Variants in ZNF470 observed in about 807,000 individuals in gnomAD.
The protein encoded by ZNF470 is chondrogenesis zinc finger protein 1.
In ZNF470, 13 loss-of-function variants were observed where a neutral mutation model predicts 13.9. That is an observed-to-expected ratio of 0.94 (90% CI 0.61 to 1.49). ZNF470 has a LOEUF of 1.49. ZNF470 is among the 40% of genes most tolerant of loss of function. The pLI, the probability that ZNF470 is intolerant of heterozygous loss-of-function variation, is 0.00. For missense variants in ZNF470, 929 were observed against 857.3 expected (o/e 1.08, Z -1.04); for synonymous variants, 293 against 282.9 (o/e 1.04, Z -0.36).
At chr19:56,568,633 A>G (rs904886621) in intron 1 of ZNF470, 125 bp from the exon 2 acceptor site, 4 of 152,176 alleles carry the variant, frequency 2.6e-5, no homozygotes, top group African/African-American at 9.7e-5. Flanking sequence ...CCTGCATGCT[A>G]TAGTAATAGC....
chr19:56,572,665 C>T (rs2044463709), intron 3 of ZNF470, among the ~76,000 whole-genome samples: 2 of 132,054 alleles, frequency 1.5e-5, no homozygotes, highest in South Asian at 4.7e-4. Context: ...ATGATGTGGA[C>T]AGAAAGAGCT....
At chr19:56,568,974 G>A (rs1270548333) in intron 2 of ZNF470, 91 bp downstream of exon 2, 1 of 152,204 alleles carries the variant, frequency 6.6e-6, no homozygotes, top group African/African-American at 2.4e-5. Context: ...CCTCCACTGA[G>A]CAGGTTTGGG....
chr19:56,569,417 A>G (rs1157648742), intron 2 of ZNF470, among the ~76,000 whole-genome samples: 1 of 152,174 alleles, frequency 6.6e-6, no homozygotes, highest in Non-Finnish European at 1.5e-5. Flanking sequence ...GTCTTATAGA[A>G]TGTTCACAAA....
intron 5 of ZNF470, among the ~76,000 whole-genome samples, chr19:56,575,453 T>A (rs932471819): frequency 3.9e-5 from 3 of 76,338 alleles, no homozygotes; most frequent in East Asian, 2.3e-4. Flanking sequence ...TTTCATTCAA[T>A]TTTTTTTTTT....
chr19:56,574,346 T>C (rs746473486), intron 3 of ZNF470, 48 bp from the exon 4 acceptor site: 5 of 1,612,272 alleles, frequency 3.1e-6, no homozygotes, highest in African/African-American at 1.3e-5. Flanking sequence ...TAGAGCTGCA[T>C]TGGAATGTGA....
rs146826636 is a variant in ZNF470, at chr19:56,568,125, G to C, written c.-159+87G>C. 3,654 of 985,554 alleles carry C rather than the reference G, an allele frequency of 3.7e-3. 8 individuals carry two copies. The highest frequency in any genetic ancestry group is 4.1e-3 in the Non-Finnish European group (3,413 of 829,938). 61.1% of individuals were successfully genotyped at this position (985,554 alleles called of 1,614,324 possible). A position where few individuals can be genotyped will look rare whatever the true frequency, so the allele number is the denominator to read the frequency against. On this transcript the variant is annotated intron_variant, in intron 1 of 5. Coordinates refer to ENST00000330619, the MANE Select transcript of ZNF470 (RefSeq NM_001001668.4). ...TTTCGGGGTTCAGGTGCTGGAGGAG[G>C]ATGTCCCCCGTTTCTAAGGCTAGTG...
At chr19:56,570,033 T>G (rs2044439748) in intron 2 of ZNF470, 1 of 382,658 alleles carries the variant, frequency 2.6e-6, no homozygotes. Context: ...TTAATAAATC[T>G]GTTGTTAATG....
chr19:56,570,867 A>G (rs1481029855), intron 3 of ZNF470, among the ~76,000 whole-genome samples: 1 of 152,224 alleles, frequency 6.6e-6, no homozygotes, highest in Non-Finnish European at 1.5e-5. Flanking sequence ...TGGGTGAATT[A>G]GAAAAAAAAG....
rs771789332 is a variant in ZNF470, at chr19:56,578,481, A to G, written c.2052A>G (p.Lys684=). ...ERPYECKECG[K]AFRQSVHLAH... ...CCTATGAGTGTAAAGAATGTGGAAA[A>G]GCCTTCAGGCAGAGTGTACATCTTG... The change falls in exon 6 of 6, where the codon AAA becomes AAG. Residue 684 remains lysine (K), a synonymous_variant. Transcript: ENST00000330619. 5.0e-6 allele frequency: 8 copies of G among 1,612,290 alleles called. No individual in the cohort carries two copies. The highest frequency in any genetic ancestry group is 6.8e-6 in the Non-Finnish European group (8 of 1,179,090).
At chr19:56,572,524 A>G (rs1373522635) in intron 3 of ZNF470, among the ~76,000 whole-genome samples, 13 of 137,548 alleles carry the variant, frequency 9.5e-5, no homozygotes, top group Non-Finnish European at 3.1e-5. Context: ...TCTGGGCAAC[A>G]GAACAAGACC....
At chr19:56,575,601 C>T (rs1026213382) in intron 5 of ZNF470, among the ~76,000 whole-genome samples, 1 of 151,984 alleles carries the variant, frequency 6.6e-6, no homozygotes, top group South Asian at 2.1e-4. Flanking sequence ...GAAGCGTAGA[C>T]TTTTCCTACT....
chr19:56,578,949 TAAG>T lies in ZNF470; in HGVS notation c.*368_*370del. ...GTAAACCAAACAGTAAGTCTAAGAC[TAAG>T]ATTTTAGAGCAGACAGAAGACTACT... On this transcript the variant is annotated 3_prime_UTR_variant, in exon 6 of 6. Transcript: ENST00000330619. 3 of 1,002,384 alleles carry T rather than the reference TAAG, an allele frequency of 3.0e-6. No homozygotes were observed. The highest frequency in any genetic ancestry group is 3.6e-6 in the Non-Finnish European group (3 of 841,606). The allele number at this position is 1,002,384 out of a possible 1,614,324, so 62.1% of individuals were successfully genotyped here.
chr19:56,582,211 G>A lies in ZNF470; in HGVS notation c.*3628G>A. On this transcript the variant is annotated 3_prime_UTR_variant, in exon 6 of 6. Transcript: ENST00000330619. ...ATTATAGTCACCTGGGATGAATAGA[G>A]GTCTAGGGTTCTGGATAATGATAAT... 1 of 985,384 alleles carries A rather than the reference G, an allele frequency of 1.0e-6. No homozygotes were observed. Among genetic ancestry groups the A allele is most frequent in the Non-Finnish European group, 1.2e-6 (1 of 829,924 alleles). 61.0% of individuals were successfully genotyped at this position (985,384 alleles called of 1,614,324 possible). A position where few individuals can be genotyped will look rare whatever the true frequency, so the allele number is the denominator to read the frequency against.
Position 56,581,413 on chromosome 19 carries a change from A to T in ZNF470, c.*2830A>T. The T allele has an allele frequency of 3.1e-6, 3 of 969,636 alleles. No individual in the cohort carries two copies. Among genetic ancestry groups the T allele is most frequent in the Non-Finnish European group, 3.7e-6 (3 of 815,552 alleles). 60.1% of individuals were successfully genotyped at this position (969,636 alleles called of 1,614,324 possible). On this transcript the variant is annotated 3_prime_UTR_variant, in exon 6 of 6. Transcript: ENST00000330619. The stretch of plus-strand genomic sequence containing the variant: ...ATTGCTTTATGTATATACCCTTTGA[A>T]TTAATATTCCTTGGAAACCAACATA...
rs2044537977 is a variant in ZNF470 at position 56,581,782 on chromosome 19, A to G, written c.*3199A>G. ...ATCTTTTCCTTTTGAGTAACTGGCCATACCCTACCATATGTTTTTGATGGA... is the reference window on the plus strand; with the variant it reads ...ATCTTTTCCTTTTGAGTAACTGGCCGTACCCTACCATATGTTTTTGATGGA... On this transcript the variant is annotated 3_prime_UTR_variant, in exon 6 of 6. Coordinates refer to ENST00000330619, the MANE Select transcript of ZNF470 (RefSeq NM_001001668.4). The G allele has an allele frequency of 3.0e-6, 3 of 985,304 alleles. No individual in the cohort carries two copies. The highest frequency in any genetic ancestry group is 1.1e-4 in the East Asian group (1 of 8,826). 61.0% of individuals were successfully genotyped at this position (985,304 alleles called of 1,614,324 possible). A position where few individuals can be genotyped will look rare whatever the true frequency, so the allele number is the denominator to read the frequency against.
intron 1 of ZNF470, 30 bp downstream of exon 1, chr19:56,568,068 C>T (rs1311938298): frequency 4.9e-5 from 48 of 985,720 alleles, no homozygotes; most frequent in African/African-American, 1.0e-4. Flanking sequence ...GATGTGGCTG[C>T]CGGAGTGGAC....
chr19:56,578,881 T>G lies in ZNF470; in HGVS notation c.*298T>G. On this transcript the variant is annotated 3_prime_UTR_variant, in exon 6 of 6. Coordinates refer to ENST00000330619, the MANE Select transcript of ZNF470 (RefSeq NM_001001668.4). The stretch of plus-strand genomic sequence containing the variant: ...GTTATTGCTAAATAAATGCTAGCCA[T>G]TAAGGTAAAGGTTTCCTTACAAACT... 9.2e-7 allele frequency: 1 copy of G among 1,090,982 alleles called. No individual in the cohort carries two copies. Among genetic ancestry groups the G allele is most frequent in the Non-Finnish European group, 1.1e-6 (1 of 898,694 alleles). The allele number at this position is 1,090,982 out of a possible 1,614,324, so 67.6% of individuals were successfully genotyped here.
At chr19:56,576,042 A>T (rs2147985502) in intron 5 of ZNF470, among the ~76,000 whole-genome samples, 1 of 152,246 alleles carries the variant, frequency 6.6e-6, no homozygotes, top group East Asian at 1.9e-4. Flanking sequence ...ACAGTATATA[A>T]ACTAAGGACA....
rs1568496795 is a variant in ZNF470, at chr19:56,578,707, CT to C, written c.*126del. Reference sequence around the variant, plus strand: ...AGTAGCATAACTGTTGCCCCTTTTGCTTCTATCAACTACATGTTTAACACTG... The same window carrying C: ...AGTAGCATAACTGTTGCCCCTTTTGCTCTATCAACTACATGTTTAACACTG... On this transcript the variant is annotated 3_prime_UTR_variant, in exon 6 of 6. Transcript: ENST00000330619. 3.1e-6 allele frequency: 4 copies of C among 1,309,886 alleles called. No homozygotes were observed. Among genetic ancestry groups the C allele is most frequent in the Non-Finnish European group, 3.9e-6 (4 of 1,028,382 alleles). 81.1% of individuals were successfully genotyped at this position (1,309,886 alleles called of 1,614,324 possible). A position where few individuals can be genotyped will look rare whatever the true frequency, so the allele number is the denominator to read the frequency against.
Sources: allele counts gnomAD v4.1 joint callset (sites outside exome capture counted in the v4.1 genomes callset), GRCh38; gene constraint gnomAD v4.1.1; transcripts MANE v1.5; gene names NCBI Gene and HGNC (gene_info 2026-07-23, HGNC 2026-07-21).